Variants in IDH2 observed in about 807,000 individuals in gnomAD.
The protein encoded by IDH2 is isocitrate dehydrogenase [NADP], mitochondrial.
In IDH2, 18 loss-of-function variants were observed where a neutral mutation model predicts 50.5. The observed-to-expected ratio is 0.36, with a 90% confidence interval of 0.25 to 0.53. IDH2 has a LOEUF of 0.53. IDH2 is among the 20% of genes least tolerant of loss of function. The pLI is 0.92. For missense variants in IDH2, 518 were observed against 610.7 expected, an observed-to-expected ratio of 0.85 and a Z score of 1.60; for synonymous variants, 280 against 239.8, an observed-to-expected ratio of 1.17 and a Z score of -1.55.
At chr15:90,091,399 A>G (rs1901031696) in intron 2 of IDH2, among the ~76,000 whole-genome samples, 154 bp downstream of exon 2, 1 of 152,176 alleles carries the variant, frequency 6.6e-6, no homozygotes, top group Non-Finnish European at 1.5e-5. Context: ...CCAGATGTGA[A>G]AGAAGGGTAG....
chr15:90,084,644 C>G lies in IDH2; in HGVS notation c.1271+172G>C, dbSNP rs920153618. On this transcript the variant is annotated intron_variant, in intron 10 of 10. Transcript: ENST00000330062. This position sits in a 1 kb window ranked among gnomAD's most constrained non-coding sequence, Gnocchi z 5.0. ...AGCCAGCCTCAGGGATGGGGAGGAA[C>G]TCACTAGACCTGGTCTACAGAGGCT... 6.6e-6 allele frequency among the ~76,000 whole-genome samples: 1 copy of G among 152,162 alleles called. No homozygotes were observed. Among genetic ancestry groups the G allele is most frequent in the African/African-American group, 2.4e-5 (1 of 41,428 alleles).
At position 90,085,014 on chromosome 15, in the gene IDH2, G is replaced by C; in HGVS notation, c.1165C>G (p.Gln389Glu). Reference protein sequence around the residue: ...LEHRGKLDGNQDLIRFAQMLE... With the variant: ...LEHRGKLDGNEDLIRFAQMLE... ...CTCCATGCTCACCTGATGAGGTCTTGGTTCCCATCCAGCTTCCCCCGGTGC... is the reference window on the plus strand; with the variant it reads ...CTCCATGCTCACCTGATGAGGTCTTCGTTCCCATCCAGCTTCCCCCGGTGC... The change falls in exon 9 of 11, where the codon CAA becomes GAA. Residue 389 changes from glutamine (Q) to glutamate (E), a missense_variant. Transcript: ENST00000330062. The surrounding 1 kb of genome is among the most constrained non-coding windows in gnomAD (Gnocchi z 5.5). 6.2e-7 allele frequency: 1 copy of C among 1,613,924 alleles called. No homozygotes were observed. Among genetic ancestry groups the C allele is most frequent in the Non-Finnish European group, 8.5e-7 (1 of 1,179,950 alleles).
At position 90,084,199 on chromosome 15, in the gene IDH2, C is replaced by T. The variant is rs1596071275; in HGVS notation, c.*67G>A. ...GAGGGGCTGTGAGGCTCACCCTCTG[C>T]CGCGCTCAGGAGGACCCGCCGGCTC... is the stretch of plus-strand genomic sequence containing the variant. On this transcript the variant is annotated 3_prime_UTR_variant, in exon 11 of 11. Transcript: ENST00000330062. This position sits in a 1 kb window ranked among gnomAD's most constrained non-coding sequence, Gnocchi z 5.0. 3.0e-6 allele frequency: 4 copies of T among 1,321,082 alleles called. No individual in the cohort carries two copies. Among genetic ancestry groups the T allele is most frequent in the Non-Finnish European group, 3.2e-6 (3 of 927,082 alleles). The allele number at this position is 1,321,082 out of a possible 1,614,324, so 81.8% of individuals were successfully genotyped here.
chr15:90,102,026 G>T (rs1313900836), intron 1 of IDH2, among the ~76,000 whole-genome samples: 1 of 151,910 alleles, frequency 6.6e-6, no homozygotes, highest in Non-Finnish European at 1.5e-5. Context: ...GCCCCCGCCC[G>T]CGCAGAGCTG....
intron 1 of IDH2, among the ~76,000 whole-genome samples, chr15:90,099,651 T>C (rs1471094127): frequency 6.6e-6 from 1 of 151,958 alleles, no homozygotes; most frequent in Non-Finnish European, 1.5e-5. Flanking sequence ...AGAGATGGGG[T>C]CTCACTATAT....
At chr15:90,086,815 CAA>C (rs974397410) in intron 7 of IDH2, among the ~76,000 whole-genome samples, 2 of 152,138 alleles carry the variant, frequency 1.3e-5, no homozygotes, top group African/African-American at 4.8e-5. Context: ...CTACTGGAAC[CAA>C]AGAGTCATGA....
chr15:90,093,388 T>G (rs1415696583), intron 1 of IDH2, among the ~76,000 whole-genome samples: 1 of 152,192 alleles, frequency 6.6e-6, no homozygotes, highest in Non-Finnish European at 1.5e-5. Flanking sequence ...GCTGTGTAGC[T>G]CATAATAAAA....
At chr15:90,101,494 C>T (rs1273140249) in intron 1 of IDH2, among the ~76,000 whole-genome samples, 1 of 152,158 alleles carries the variant, frequency 6.6e-6, no homozygotes, top group Non-Finnish European at 1.5e-5. Context: ...TACTGTCTTC[C>T]CTCCTAAGCA....
chr15:90,094,262 T>C (rs1901124356), intron 1 of IDH2, among the ~76,000 whole-genome samples: 1 of 152,168 alleles, frequency 6.6e-6, no homozygotes, highest in Non-Finnish European at 1.5e-5. Context: ...ACTCAGGAAC[T>C]GGCCACCTAA....
At chr15:90,099,409 G>A (rs924853212) in intron 1 of IDH2, among the ~76,000 whole-genome samples, 10 of 152,102 alleles carry the variant, frequency 6.6e-5, no homozygotes, top group African/African-American at 2.2e-4. Context: ...TTTTCTGGCT[G>A]CCCTATACAA....
chr15:90,101,749 G>T (rs1901337802), intron 1 of IDH2, among the ~76,000 whole-genome samples: 1 of 152,168 alleles, frequency 6.6e-6, no homozygotes, highest in Non-Finnish European at 1.5e-5. Flanking sequence ...TCGTGTAAAA[G>T]GCTCCAAAAA....
At position 90,087,582 on chromosome 15, in the gene IDH2, G is replaced by T. The variant is rs752232116; in HGVS notation, c.679-7C>A. On this transcript the variant is annotated splice_region_variant and splice_polypyrimidine_tract_variant and intron_variant, in intron 5 of 10. Coordinates refer to ENST00000330062, the MANE Select transcript of IDH2 (RefSeq NM_002168.4). ...GCGCAAAACCTGAGATGGACTGCAG[G>T]GGGAGAGACAGGGCCCTGGCGTGGT... 3.7e-6 allele frequency: 6 copies of T among 1,612,916 alleles called. No individual in the cohort carries two copies. In the South Asian group the frequency reaches 4.4e-5, roughly 12 times the overall value.
chr15:90,085,469 A>G lies in IDH2; in HGVS notation c.968-82T>C, dbSNP rs974929266. 3.2e-6 allele frequency: 3 copies of G among 936,680 alleles called. No homozygotes were observed. Among genetic ancestry groups the G allele is most frequent in the African/African-American group, 3.3e-5 (2 of 60,752 alleles). 58.0% of individuals were successfully genotyped at this position (936,680 alleles called of 1,614,324 possible). A position where few individuals can be genotyped will look rare whatever the true frequency, so the allele number is the denominator to read the frequency against. On this transcript the variant is annotated intron_variant, in intron 7 of 10. Coordinates refer to ENST00000330062, the MANE Select transcript of IDH2 (RefSeq NM_002168.4). This position sits in a 1 kb window ranked among gnomAD's most constrained non-coding sequence, Gnocchi z 5.5. ...GAGCCCTGCTGCCCTCTACAACCCA[A>G]TATTGTAGCTGCCATAGTTCGTGGC... is the stretch of plus-strand genomic sequence containing the variant.
chr15:90,102,181 G>A (rs946688581), intron 1 of IDH2, 95 bp downstream of exon 1: 1 of 459,312 alleles, frequency 2.2e-6, no homozygotes, highest in African/African-American at 2.1e-5. Flanking sequence ...CCCGGGCTGC[G>A]GGCTGGCGGG....
Position 90,084,280 on chromosome 15 carries a change from G to T in IDH2, c.1345C>A (p.Leu449Met). 1.9e-6 allele frequency: 3 copies of T among 1,613,980 alleles called. No individual in the cohort carries two copies. Among genetic ancestry groups the T allele is most frequent in the Non-Finnish European group, 2.5e-6 (3 of 1,179,996 alleles). Residue 449 changes from leucine to methionine, a missense_variant, in exon 11 of 11, where the codon CTG (leucine) becomes ATG (methionine). Leu to Met is a conservative substitution (Grantham distance 15, BLOSUM62 2). Around this residue, in one of 5 missense-constraint regions of IDH2, gnomAD observed 135 missense variants for 167.6 expected, o/e 0.81. Coordinates refer to ENST00000330062, the MANE Select transcript of IDH2 (RefSeq NM_002168.4). This position sits in a 1 kb window ranked among gnomAD's most constrained non-coding sequence, Gnocchi z 5.0. ...DTIKSNLDRA[L>M]GRQ ...GGCGCCTCCCCCTACTGCCTGCCCA[G>T]GGCTCTGTCCAGGTTGCTCTTGATG... is the stretch of plus-strand genomic sequence containing the variant.
intron 5 of IDH2, among the ~76,000 whole-genome samples, chr15:90,087,998 T>C (rs1001246952): frequency 7.9e-5 from 12 of 152,056 alleles, no homozygotes; most frequent in Non-Finnish European, 4.4e-5. Flanking sequence ...CAGCCTGGCA[T>C]TGGAGCTGGA....
chr15:90,093,593 T>TTTTA (rs1422838742), intron 1 of IDH2, among the ~76,000 whole-genome samples: 24 of 144,632 alleles, frequency 1.7e-4, no homozygotes, highest in Admixed American at 1.5e-3. Context: ...ATTACCTCCA[T>TTTTA]TTTATTTAAT....
intron 1 of IDH2, 58 bp downstream of exon 1, chr15:90,102,218 A>C: frequency 4.2e-6 from 3 of 719,444 alleles, no homozygotes; most frequent in Non-Finnish European, 5.7e-6. Flanking sequence ...CAGCCTGGGA[A>C]GCCGCCACGT....
At chr15:90,092,929 G>A (rs977962662) in intron 1 of IDH2, among the ~76,000 whole-genome samples, 3 of 152,126 alleles carry the variant, frequency 2.0e-5, no homozygotes, top group African/African-American at 7.2e-5. Context: ...TGCCCAGGCT[G>A]GCTGGACTCC....
Sources: gnomAD v4.1 joint callset for allele counts (sites outside exome capture counted in the v4.1 genomes callset) on GRCh38, gnomAD v4.1.1 for gene constraint, gnomAD v4.1.1 regional missense constraint, Gnocchi (gnomAD v3.1) non-coding constraint, MANE v1.5 for transcripts, NCBI Gene and HGNC (gene_info 2026-07-23, HGNC 2026-07-21) for gene names.